The following C9 variants were observed in gnomAD, a reference collection of about 807,000 sequenced individuals.
C9 encodes complement component C9.
Under a neutral mutation model 65.4 loss-of-function variants are expected in C9, and 63 were observed. The ratio of observed to expected loss-of-function variants is 0.96; its 90% CI spans 0.79 to 1.19. C9 has a LOEUF of 1.19. C9 is among the 50% of genes most tolerant of loss of function. The pLI, the probability that C9 is intolerant of heterozygous loss-of-function variation, is 0.00. For synonymous variants in C9, 229 were observed against 227.9 expected, an observed-to-expected ratio of 1.00 and a Z score of -0.04; for missense variants, 744 against 670.1, an observed-to-expected ratio of 1.11 and a Z score of -1.22.
rs1753476496 is a variant in C9 at position 39,311,200 on chromosome 5, C to T, written c.1048G>A (p.Gly350Arg). The part of the protein sequence containing the change: ...ETYGTHYSSS[G>R]SLGGLYELIY... ...AGTTCATAGAGTCCTCCTAGAGACC[C>T]AGAGCTACTGTAGTGAGTTCCATAG... Residue 350 changes from glycine (G) to arginine (R), a missense_variant, in exon 7 of 11, where the codon GGG becomes AGG. Physicochemically the swap from Gly to Arg is moderately radical, Grantham distance 125 (BLOSUM62 -2). Transcript: ENST00000263408. The T allele has an allele frequency of 6.2e-7, 1 of 1,612,812 alleles. No homozygotes were observed. The highest frequency in any genetic ancestry group is 1.3e-5 in the African/African-American group (1 of 74,866).
intron 9 of C9, among the ~76,000 whole-genome samples, chr5:39,297,320 C>A (rs1753203419): frequency 6.6e-6 from 1 of 151,170 alleles, no homozygotes; most frequent in Non-Finnish European, 1.5e-5. Context: ...CGGAAATGAG[C>A]AAAAAGGAGA....
chr5:39,354,325 A>G (rs147024655), intron 1 of C9, among the ~76,000 whole-genome samples: 15 of 152,330 alleles, frequency 9.8e-5, no homozygotes, highest in Admixed American at 9.2e-4. Context: ...CCAAGTACAT[A>G]TCATAATCCT....
chr5:39,348,737 C>T (rs1024886758), intron 1 of C9, among the ~76,000 whole-genome samples: 1 of 152,108 alleles, frequency 6.6e-6, no homozygotes, highest in Non-Finnish European at 1.5e-5. Context: ...TTTATTGTGG[C>T]ACTATTCACA....
chr5:39,342,009 G>T lies in C9; in HGVS notation c.183+82C>A, dbSNP rs954467452. ...TTGGAACTCAGTTGTGGGGCTCCCT[G>T]CCTCATAATCATTTTTCTGGAGAGG... On this transcript the variant is annotated intron_variant, in intron 2 of 10. Transcript: ENST00000263408. 9 of 857,200 alleles carry T rather than the reference G, an allele frequency of 1.0e-5. No homozygotes were observed. The African/African-American group carries it at 1.5e-4, about 14-fold the overall frequency. 53.1% of individuals were successfully genotyped at this position (857,200 alleles called of 1,614,324 possible).
intron 1 of C9, among the ~76,000 whole-genome samples, chr5:39,346,385 A>G (rs1261488020): frequency 6.6e-6 from 1 of 152,240 alleles, no homozygotes; most frequent in Non-Finnish European, 1.5e-5. Context: ...AGAGAATACT[A>G]TAAATACCAC....
chr5:39,352,512 A>G (rs1754339908), intron 1 of C9, among the ~76,000 whole-genome samples: 2 of 152,190 alleles, frequency 1.3e-5, no homozygotes, highest in Admixed American at 6.5e-5. Flanking sequence ...ACTTCCATTT[A>G]TGCAGTCATT....
chr5:39,285,684 C>CTGTTT (rs1217845229), intron 10 of C9, among the ~76,000 whole-genome samples: 3 of 150,236 alleles, frequency 2.0e-5, no homozygotes, highest in African/African-American at 7.3e-5. Context: ...GGATAGACAT[C>CTGTTT]TGTTTTGTTT....
chr5:39,319,480 C>T (rs1753629256), intron 5 of C9, among the ~76,000 whole-genome samples: 1 of 152,104 alleles, frequency 6.6e-6, no homozygotes, highest in Non-Finnish European at 1.5e-5. Flanking sequence ...CAGGATTTTA[C>T]TTGCAGACTA....
chr5:39,295,911 T>A (rs1340682065), intron 9 of C9, among the ~76,000 whole-genome samples: 1 of 151,672 alleles, frequency 6.6e-6, no homozygotes, highest in Non-Finnish European at 1.5e-5. Context: ...TTGACAAAAG[T>A]ACCAAGAAAA....
At chr5:39,344,530 T>C (rs1025121744) in intron 1 of C9, among the ~76,000 whole-genome samples, 2 of 152,068 alleles carry the variant, frequency 1.3e-5, no homozygotes, top group Non-Finnish European at 2.9e-5. Context: ...TGTGAAAAGA[T>C]CAAATCTATG....
intron 9 of C9, among the ~76,000 whole-genome samples, chr5:39,303,468 C>A (rs569260447): frequency 6.6e-6 from 1 of 150,584 alleles, no homozygotes; most frequent in South Asian, 2.1e-4. Context: ...TACTTTAGTA[C>A]GGAAAAATAT....
At chr5:39,340,947 C>T in intron 4 of C9, 199 bp downstream of exon 4, 2 of 646,162 alleles carry the variant, frequency 3.1e-6, no homozygotes, top group Non-Finnish European at 5.5e-6. Flanking sequence ...CTACTGAGGG[C>T]AGGCAATTTG....
At chr5:39,339,458 GA>G (rs1480421716) in intron 4 of C9, among the ~76,000 whole-genome samples, 1 of 152,034 alleles carries the variant, frequency 6.6e-6, no homozygotes, top group African/African-American at 2.4e-5. Flanking sequence ...AAACTTTATA[GA>G]GGTCTTATCA....
At chr5:39,338,531 A>G (rs1754010872) in intron 4 of C9, among the ~76,000 whole-genome samples, 1 of 152,338 alleles carries the variant, frequency 6.6e-6, no homozygotes, top group Non-Finnish European at 1.5e-5. Flanking sequence ...ATATTTTGAA[A>G]AGTTTAAAGT....
chr5:39,301,718 T>TA (rs34308311), intron 9 of C9, among the ~76,000 whole-genome samples: 59,212 of 151,924 alleles, frequency 0.39, 12,075 homozygotes, highest in Non-Finnish European at 0.46. Context: ...AAAACACCAT[T>TA]AAAGATGAAA....
intron 1 of C9, among the ~76,000 whole-genome samples, chr5:39,343,873 C>T (rs574170922): frequency 1.3e-4 from 20 of 152,300 alleles, no homozygotes; most frequent in African/African-American, 1.9e-4. Context: ...CAGCAAAATT[C>T]ACTGTTCTGC....
chr5:39,350,446 T>C (rs1227044035), intron 1 of C9, among the ~76,000 whole-genome samples: 1 of 152,214 alleles, frequency 6.6e-6, no homozygotes, highest in Non-Finnish European at 1.5e-5. Context: ...TCTTAACTTA[T>C]TCCAGCATTA....
At chr5:39,328,091 G>A (rs925363934) in intron 5 of C9, among the ~76,000 whole-genome samples, 1 of 152,180 alleles carries the variant, frequency 6.6e-6, no homozygotes, top group Non-Finnish European at 1.5e-5. Context: ...GTTGAGTGGA[G>A]GCTTAGCAGA....
In C9 at chr5:39,284,945, G is replaced by A. The variant is rs374465861; in HGVS notation, c.*254C>T. On this transcript the variant is annotated 3_prime_UTR_variant, in exon 11 of 11. Transcript: ENST00000263408. ...TTTTTAGAAGAGATTGGCATTTTCCGTGGGATAAAGCAGTTCTGGCGTATT... is the reference window on the plus strand; with the variant it reads ...TTTTTAGAAGAGATTGGCATTTTCCATGGGATAAAGCAGTTCTGGCGTATT... The A allele has an allele frequency of 2.5e-5, 11 of 431,686 alleles. No individual in the cohort carries two copies. Among genetic ancestry groups the A allele is most frequent in the Non-Finnish European group, 4.2e-5 (10 of 239,752 alleles). The allele number at this position is 431,686 out of a possible 1,614,324, so 26.7% of individuals were successfully genotyped here.
Sources: allele counts gnomAD v4.1 joint callset (sites outside exome capture counted in the v4.1 genomes callset), GRCh38; gene constraint gnomAD v4.1.1; transcripts MANE v1.5; gene names NCBI Gene and HGNC (gene_info 2026-07-23, HGNC 2026-07-21).